The following SHISA9 variants were observed in gnomAD, a reference collection of about 807,000 sequenced individuals.
The protein encoded by SHISA9 is protein shisa-9.
SHISA9 carries 13 observed loss-of-function variants against 38.0 expected under a neutral mutation model. That is an observed-to-expected ratio of 0.34 (90% CI 0.22 to 0.54). The LOEUF is 0.54. Ranked by LOEUF, SHISA9 falls within the 20% of genes least tolerant of loss-of-function variation. The pLI, the probability that SHISA9 is intolerant of heterozygous loss-of-function variation, is 0.91. For missense variants in SHISA9, 538 were observed against 575.8 expected (o/e 0.93, Z 0.67); for synonymous variants, 275 against 242.0 (o/e 1.14, Z -1.27).
chr16:13,009,645 T>C (rs1567180297), intron 2 of SHISA9, among the ~76,000 whole-genome samples: 1 of 151,890 alleles, frequency 6.6e-6, no homozygotes, highest in Non-Finnish European at 1.5e-5. Flanking sequence ...TTTGCAAGAG[T>C]CTCAAACACA....
the SHISA9 span, among the ~76,000 whole-genome samples, chr16:13,366,999 A>AGG: frequency 6.8e-6 from 1 of 147,200 alleles, no homozygotes; most frequent in Admixed American, 6.8e-5. Context: ...AAAAAAAAAA[A>AGG]AAGAAGAAGA....
At chr16:13,317,995 CTTG>C in the SHISA9 span, among the ~76,000 whole-genome samples, 6 of 85,382 alleles carry the variant, frequency 7.0e-5, no homozygotes, top group Non-Finnish European at 1.3e-4. Flanking sequence ...CTTCAAATGC[CTTG>C]TTTTTTTTTT....
intron 2 of SHISA9, among the ~76,000 whole-genome samples, chr16:12,953,505 G>A (rs530364511): frequency 2.4e-4 from 37 of 152,284 alleles, no homozygotes; most frequent in African/African-American, 8.7e-4. Context: ...AAAGCATAAG[G>A]ACATTGATTG....
chr16:13,044,531 A>G (rs938471934), intron 2 of SHISA9, among the ~76,000 whole-genome samples: 3 of 152,206 alleles, frequency 2.0e-5, no homozygotes, highest in East Asian at 1.9e-4. Context: ...CACAGATCCA[A>G]TGGCTTTATA....
chr16:13,265,621 TCTC>T, the SHISA9 span, among the ~76,000 whole-genome samples: 1 of 139,034 alleles, frequency 7.2e-6, no homozygotes, highest in South Asian at 2.7e-4. Flanking sequence ...TCTCCTTTTC[TCTC>T]CTCTTCTCTT....
chr16:13,254,411 C>T, the SHISA9 span, among the ~76,000 whole-genome samples: 3 of 152,130 alleles, frequency 2.0e-5, no homozygotes, highest in Admixed American at 6.5e-5. Flanking sequence ...CAGTTCCAAC[C>T]GGAGGGTTTG....
At chr16:13,399,822 A>C in the SHISA9 span, among the ~76,000 whole-genome samples, 2 of 152,144 alleles carry the variant, frequency 1.3e-5, no homozygotes, top group Non-Finnish European at 2.9e-5. Context: ...CATTTCTCAT[A>C]AGCTTCCAGG....
intron 2 of SHISA9, among the ~76,000 whole-genome samples, chr16:12,952,188 C>G (rs1028953557): frequency 2.0e-5 from 3 of 152,216 alleles, no homozygotes; most frequent in Non-Finnish European, 4.4e-5. Context: ...GGGGAAACAG[C>G]AGCACTGCAG....
the SHISA9 span, among the ~76,000 whole-genome samples, chr16:13,551,185 CT>C: frequency 6.6e-6 from 1 of 151,996 alleles, no homozygotes; most frequent in Non-Finnish European, 1.5e-5. Flanking sequence ...CTTTGCTCTT[CT>C]TTCTTACACA....
intron 2 of SHISA9, among the ~76,000 whole-genome samples, chr16:13,013,112 A>G (rs544707704): frequency 1.1e-4 from 17 of 152,332 alleles, no homozygotes; most frequent in African/African-American, 3.1e-4. Flanking sequence ...GATCTGTGCT[A>G]GGATCAGAGG....
At chr16:13,146,707 C>T (rs2050450289) in intron 2 of SHISA9, among the ~76,000 whole-genome samples, 1 of 152,112 alleles carries the variant, frequency 6.6e-6, no homozygotes, top group African/African-American at 2.4e-5. Flanking sequence ...AAAACTTGTC[C>T]AAGACCGCAC....
intron 2 of SHISA9, among the ~76,000 whole-genome samples, chr16:13,074,719 C>T (rs2073560773): frequency 2.0e-5 from 3 of 148,080 alleles, no homozygotes; most frequent in African/African-American, 7.5e-5. Context: ...GGCTGGAGTG[C>T]AATGGTGGGA....
the SHISA9 span, among the ~76,000 whole-genome samples, chr16:13,533,815 G>C: frequency 7.5e-6 from 1 of 134,160 alleles, no homozygotes; most frequent in African/African-American, 2.8e-5. Context: ...ACAGAGTCTC[G>C]CTGTATCGCC....
At chr16:13,471,210 A>G in the SHISA9 span, among the ~76,000 whole-genome samples, 221 of 152,200 alleles carry the variant, frequency 1.5e-3, 2 homozygotes, top group Non-Finnish European at 2.6e-3. Flanking sequence ...CACCCTTAAT[A>G]TGGGGCTGAC....
the SHISA9 span, among the ~76,000 whole-genome samples, chr16:13,396,148 G>A: frequency 4.6e-5 from 7 of 152,266 alleles, no homozygotes; most frequent in South Asian, 1.0e-3. Flanking sequence ...ACATTGCATA[G>A]AATCTCAAAC....
the SHISA9 span, among the ~76,000 whole-genome samples, chr16:13,469,406 AAAGAAAGAAAGAAAGAAAAAGAAAGAAAG>A: frequency 6.2e-5 from 8 of 128,270 alleles, no homozygotes; most frequent in African/African-American, 2.6e-4. Flanking sequence ...AGAAAGAAAG[AAAGAAAGAAAGAAAGAAAAAGAAAGAAAG>A]AGAAAGAAAG....
intron 2 of SHISA9, among the ~76,000 whole-genome samples, chr16:13,192,995 AG>A (rs1256393268): frequency 6.6e-6 from 1 of 152,198 alleles, no homozygotes; most frequent in Non-Finnish European, 1.5e-5. Context: ...GAAACAAAAA[AG>A]CATAGATCTG....
intron 2 of SHISA9, among the ~76,000 whole-genome samples, chr16:13,063,295 T>C (rs2073397514): frequency 6.6e-6 from 1 of 152,126 alleles, no homozygotes; most frequent in African/African-American, 2.4e-5. Context: ...TGTGAGCCAC[T>C]GCACCTGGCC....
the SHISA9 span, among the ~76,000 whole-genome samples, chr16:13,553,426 C>G: frequency 6.6e-6 from 1 of 152,188 alleles, no homozygotes; most frequent in African/African-American, 2.4e-5. Flanking sequence ...TCTACAGTAG[C>G]TACCACTAAC....
Sources: allele counts gnomAD v4.1 joint callset (sites outside exome capture counted in the v4.1 genomes callset), GRCh38; gene constraint gnomAD v4.1.1; transcripts MANE v1.5; gene names NCBI Gene and HGNC (gene_info 2026-07-23, HGNC 2026-07-21).